The following SULF2 variants were observed in gnomAD, a reference collection of about 807,000 sequenced individuals.
The protein encoded by SULF2 is sulfatase 2.
Under a neutral mutation model 107.7 loss-of-function variants are expected in SULF2, and 52 were observed. The ratio of observed to expected loss-of-function variants is 0.48; its 90% CI spans 0.39 to 0.61. The LOEUF (loss-of-function observed/expected upper bound fraction) is 0.61, where lower values mean the gene tolerates loss of function less well. Ranked by LOEUF, SULF2 falls within the 20% of genes least tolerant of loss-of-function variation. The pLI, the probability that SULF2 is intolerant of heterozygous loss-of-function variation, is 0.00. For missense variants in SULF2, 993 were observed against 1,177.3 expected, an observed-to-expected ratio of 0.84 and a Z score of 2.29; for synonymous variants, 460 against 464.3, an observed-to-expected ratio of 0.99 and a Z score of 0.12.
chr20:47,711,181 G>A (rs2088916347), intron 3 of SULF2, among the ~76,000 whole-genome samples: 2 of 152,228 alleles, frequency 1.3e-5, no homozygotes, highest in South Asian at 2.1e-4. Flanking sequence ...CCGGGCCGGC[G>A]TAGGAACACG....
At chr20:47,704,920 C>T (rs1602690108) in intron 3 of SULF2, among the ~76,000 whole-genome samples, 2 of 152,158 alleles carry the variant, frequency 1.3e-5, no homozygotes, top group South Asian at 4.1e-4. Context: ...AGAGGACAAC[C>T]TATCCACCAG....
At chr20:47,764,423 G>A (rs992580614) in intron 1 of SULF2, among the ~76,000 whole-genome samples, 4 of 152,172 alleles carry the variant, frequency 2.6e-5, no homozygotes, top group East Asian at 1.9e-4. Context: ...AGTGCTTTGA[G>A]GCCACAAGTG....
chr20:47,720,873 G>A (rs1376105974), intron 3 of SULF2, among the ~76,000 whole-genome samples: 1 of 152,158 alleles, frequency 6.6e-6, no homozygotes, highest in African/African-American at 2.4e-5. Context: ...AGGGGAGCTG[G>A]AGGTTCCTGA....
At chr20:47,703,524 T>C (rs1315538234) in intron 3 of SULF2, among the ~76,000 whole-genome samples, 1 of 152,072 alleles carries the variant, frequency 6.6e-6, no homozygotes, top group African/African-American at 2.4e-5. Flanking sequence ...CTAGTATGGG[T>C]GGGGATGTGG....
chr20:47,750,265 C>T (rs1244597464), intron 2 of SULF2, among the ~76,000 whole-genome samples: 1 of 152,218 alleles, frequency 6.6e-6, no homozygotes, highest in Non-Finnish European at 1.5e-5. Flanking sequence ...CAGGTGTGAG[C>T]CACCGCACCC....
At chr20:47,705,163 A>C (rs545895484) in intron 3 of SULF2, among the ~76,000 whole-genome samples, 1 of 152,340 alleles carries the variant, frequency 6.6e-6, no homozygotes, top group Non-Finnish European at 1.5e-5. Flanking sequence ...ACCGCTCCAG[A>C]GGGAGGAGCT....
intron 3 of SULF2, among the ~76,000 whole-genome samples, chr20:47,709,818 C>G (rs936946291): frequency 6.6e-6 from 1 of 151,022 alleles, no homozygotes; most frequent in African/African-American, 2.4e-5. Flanking sequence ...GACAGAGAGA[C>G]AGAAGAGATA....
chr20:47,712,648 C>T (rs887615759), intron 3 of SULF2, among the ~76,000 whole-genome samples: 1 of 152,204 alleles, frequency 6.6e-6, no homozygotes, highest in Admixed American at 6.5e-5. Context: ...TTGAGGTACA[C>T]AGCTGTGCAA....
chr20:47,758,682 C>T (rs2090351425), intron 1 of SULF2, among the ~76,000 whole-genome samples: 2 of 152,098 alleles, frequency 1.3e-5, no homozygotes, highest in South Asian at 2.1e-4. Context: ...CTTTGCTCTC[C>T]GTGGTCATTT....
At chr20:47,753,377 C>A (rs2090206073) in intron 2 of SULF2, among the ~76,000 whole-genome samples, 1 of 152,216 alleles carries the variant, frequency 6.6e-6, no homozygotes, top group African/African-American at 2.4e-5. Flanking sequence ...AAGTTCTTCT[C>A]TTTTCTAGTC....
intron 2 of SULF2, among the ~76,000 whole-genome samples, chr20:47,740,810 C>T (rs544928138): frequency 5.3e-4 from 81 of 152,222 alleles, no homozygotes; most frequent in African/African-American, 1.9e-3. Flanking sequence ...TTGGTACAAC[C>T]CTGACATCCA....
At chr20:47,709,156 C>T (rs2088840621) in intron 3 of SULF2, among the ~76,000 whole-genome samples, 1 of 152,138 alleles carries the variant, frequency 6.6e-6, no homozygotes, top group Non-Finnish European at 1.5e-5. Flanking sequence ...GGAATTAAAA[C>T]CAAGATTAAA....
intron 14 of SULF2, 36 bp from the exon 15 acceptor site, chr20:47,664,225 T>G: frequency 6.3e-7 from 1 of 1,599,296 alleles, no homozygotes; most frequent in Non-Finnish European, 8.5e-7. Flanking sequence ...GCTTCAGGAG[T>G]GGCTCAGAGG....
chr20:47,748,710 G>A (rs1999546), intron 2 of SULF2, among the ~76,000 whole-genome samples: 122,809 of 151,918 alleles, frequency 0.81, 49,714 homozygotes, highest in South Asian at 0.88. Context: ...AGAAAGAAGA[G>A]AGTGAGGTTG....
intron 4 of SULF2, among the ~76,000 whole-genome samples, chr20:47,697,825 C>T (rs1008560175): frequency 1.3e-5 from 2 of 152,174 alleles, no homozygotes; most frequent in East Asian, 1.9e-4. Flanking sequence ...ACTTGATTAT[C>T]GGGCTGCTCT....
chr20:47,678,525 C>CCACGGGGACCATGCTTCTCTCT lies in SULF2; in HGVS notation c.1193+150_1193+151insAGAGAGAAGCATGGTCCCCGTG. The CCACGGGGACCATGCTTCTCTCT allele has an allele frequency of 1.0e-6, 1 of 978,630 alleles. No homozygotes were observed. The highest frequency in any genetic ancestry group is 1.6e-5 in the South Asian group (1 of 62,664). The allele number at this position is 978,630 out of a possible 1,614,324, so 60.6% of individuals were successfully genotyped here. On this transcript the variant is annotated intron_variant, in intron 8 of 20. Transcript: ENST00000688720. The surrounding 1 kb of genome is among the most constrained non-coding windows in gnomAD (Gnocchi z 4.5). ...TCGGAGAGGGGACCATGCTTCTCTCCCACAGCAGGTAAGTGGTTGGCATGG... is the reference window on the plus strand; with the variant it reads ...TCGGAGAGGGGACCATGCTTCTCTCCCACGGGGACCATGCTTCTCTCTCACAGCAGGTAAGTGGTTGGCATGG...
intron 4 of SULF2, 65 bp downstream of exon 4, chr20:47,702,454 C>T (rs1602683033): frequency 6.4e-7 from 1 of 1,563,672 alleles, no homozygotes; most frequent in Non-Finnish European, 8.7e-7. Context: ...TAGTCTGGCT[C>T]CTGAGTTGGG....
chr20:47,705,348 G>A (rs886820291), intron 3 of SULF2, among the ~76,000 whole-genome samples: 3 of 152,168 alleles, frequency 2.0e-5, no homozygotes, highest in African/African-American at 7.2e-5. Context: ...GCGGGGAACC[G>A]GCTGCAGTCT....
At chr20:47,784,417 G>A (rs1162396821) in intron 1 of SULF2, among the ~76,000 whole-genome samples, 1 of 152,130 alleles carries the variant, frequency 6.6e-6, no homozygotes, top group Non-Finnish European at 1.5e-5. Flanking sequence ...GGAGGAGAGG[G>A]TCGTCACAGG....
Sources: allele counts gnomAD v4.1 joint callset (sites outside exome capture counted in the v4.1 genomes callset), GRCh38; gene constraint gnomAD v4.1.1; non-coding constraint Gnocchi (gnomAD v3.1); transcripts MANE v1.5; gene names NCBI Gene and HGNC (gene_info 2026-07-23, HGNC 2026-07-21).